The following HYDIN variants were observed in gnomAD, a reference collection of about 807,000 sequenced individuals.
The protein encoded by HYDIN is axonemal central pair apparatus protein HYDIN.
Under a neutral mutation model 403.9 loss-of-function variants are expected in HYDIN, and 132 were observed. The ratio of observed to expected loss-of-function variants is 0.33; its 90% CI spans 0.28 to 0.38. The LOEUF is 0.38. Ranked by LOEUF, HYDIN falls within the 10% of genes least tolerant of loss-of-function variation. The pLI is 1.00. For missense variants in HYDIN, 2,827 were observed against 5,009.5 expected, an observed-to-expected ratio of 0.56 and a Z score of 13.15; for synonymous variants, 1,202 against 1,891.7, an observed-to-expected ratio of 0.64 and a Z score of 9.46.
intron 13 of HYDIN, among the ~76,000 whole-genome samples, chr16:71,072,381 G>A (rs555213647): frequency 1.4e-4 from 21 of 152,084 alleles, no homozygotes; most frequent in Admixed American, 8.5e-4. Context: ...ATATGTGCTT[G>A]TAACTGTAAA....
At chr16:70,818,246 C>A (rs1271419222) in intron 84 of HYDIN, 96 bp downstream of exon 84, 1 of 663,674 alleles carries the variant, frequency 1.5e-6, no homozygotes, top group African/African-American at 1.8e-5. Flanking sequence ...AGGGCTGGCC[C>A]ACCCTCTGGG....
At chr16:70,896,662 T>TG (rs1356784047) in intron 53 of HYDIN, among the ~76,000 whole-genome samples, 1 of 150,036 alleles carries the variant, frequency 6.7e-6, no homozygotes, top group Non-Finnish European at 1.5e-5. Context: ...AACTGTTTTT[T>TG]TTTTTTTTTT....
At chr16:71,089,552 G>A (rs2083044819) in intron 11 of HYDIN, among the ~76,000 whole-genome samples, 1 of 152,214 alleles carries the variant, frequency 6.6e-6, no homozygotes, top group Non-Finnish European at 1.5e-5. Flanking sequence ...GCTGAGGGAG[G>A]AGGATTCCCA....
In HYDIN at chr16:71,175,230, C is replaced by T. The variant is rs75721201; in HGVS notation, c.516+377G>A. ...ACAATATTACCACCAACTACACTAC[C>T]ATACTACTAATACCAATACCATCTA... On this transcript the variant is annotated intron_variant, in intron 5 of 85. Transcript: ENST00000393567. Among the ~76,000 whole-genome samples the T allele has an allele frequency of 5.2e-3, 794 of 151,488 alleles. 7 individuals carry two copies. Among genetic ancestry groups the T allele is most frequent in the African/African-American group, 0.018 (758 of 41,296 alleles).
chr16:71,019,239 T>A (rs996022800), intron 22 of HYDIN, among the ~76,000 whole-genome samples: 1 of 152,278 alleles, frequency 6.6e-6, no homozygotes, highest in African/African-American at 2.4e-5. Flanking sequence ...TTAATGGGCA[T>A]GAAAGCCACC....
At chr16:71,002,245 CT>C (rs1366536937) in intron 23 of HYDIN, among the ~76,000 whole-genome samples, 12 of 152,146 alleles carry the variant, frequency 7.9e-5, no homozygotes, top group Admixed American at 7.9e-4. Context: ...CTTTTTGTAT[CT>C]TGTTTAAGAA....
At chr16:71,009,691 C>T (rs546014312) in intron 23 of HYDIN, among the ~76,000 whole-genome samples, 8 of 147,002 alleles carry the variant, frequency 5.4e-5, no homozygotes, top group Non-Finnish European at 8.9e-5. Flanking sequence ...AGTGATCTAA[C>T]CACAGGTGCC....
chr16:70,806,235 C>CA lies in HYDIN; in HGVS notation c.*1344dup, dbSNP rs2035100058. 6.6e-6 allele frequency among the ~76,000 whole-genome samples: 1 copy of CA among 152,150 alleles called. No individual in the cohort carries two copies. The highest frequency in any genetic ancestry group is 2.1e-4 in the South Asian group (1 of 4,830). The stretch of plus-strand genomic sequence containing the variant: ...GGTATGTATGTAAAGGAAAATACCA[C>CA]AGTATATGGAGTGTTCAGTACTATC... On this transcript the variant is annotated 3_prime_UTR_variant, in exon 86 of 86. Coordinates refer to ENST00000393567, the MANE Select transcript of HYDIN (RefSeq NM_001270974.2).
chr16:70,842,818 T>C (rs1180411686), intron 75 of HYDIN, among the ~76,000 whole-genome samples: 1 of 152,020 alleles, frequency 6.6e-6, no homozygotes, highest in Non-Finnish European at 1.5e-5. Flanking sequence ...TTATGTCTTT[T>C]TTATTCTTCT....
chr16:71,230,475 G>T, intron 1 of HYDIN, 87 bp downstream of exon 1: 1 of 1,420,850 alleles, frequency 7.0e-7, no homozygotes, highest in Non-Finnish European at 9.3e-7. Context: ...GACGCAGGGC[G>T]AGGACGAGGA....
At chr16:70,957,114 C>T (rs1458626929) in intron 39 of HYDIN, among the ~76,000 whole-genome samples, 1 of 151,496 alleles carries the variant, frequency 6.6e-6, no homozygotes, top group African/African-American at 2.4e-5. Flanking sequence ...AACTCTGTAC[C>T]CATTAAACTA....
intron 14 of HYDIN, among the ~76,000 whole-genome samples, chr16:71,068,900 A>G (rs2082363262): frequency 6.6e-6 from 1 of 152,244 alleles, no homozygotes; most frequent in East Asian, 1.9e-4. Context: ...ATTTATTGCT[A>G]TCTAAAGGAT....
intron 41 of HYDIN, among the ~76,000 whole-genome samples, chr16:70,948,256 G>C (rs1343025963): frequency 6.6e-6 from 1 of 150,900 alleles, no homozygotes; most frequent in Admixed American, 6.6e-5. Flanking sequence ...CTAGCCATAT[G>C]TAGAAAGCTG....
chr16:71,107,754 G>A (rs1421005220), intron 10 of HYDIN, among the ~76,000 whole-genome samples: 1 of 152,030 alleles, frequency 6.6e-6, no homozygotes, highest in African/African-American at 2.4e-5. Context: ...ATTATGGAAA[G>A]CAGTGTGGTG....
intron 83 of HYDIN, among the ~76,000 whole-genome samples, chr16:70,824,559 G>C (rs886183341): frequency 6.7e-6 from 1 of 149,572 alleles, no homozygotes; most frequent in African/African-American, 2.5e-5. Context: ...ACAGGGTCTT[G>C]CTCTGTTGCC....
chr16:71,051,723 ACTCTAACCTCTACTATTCAG>A (rs1465597749), intron 18 of HYDIN, among the ~76,000 whole-genome samples: 6 of 152,134 alleles, frequency 3.9e-5, no homozygotes, highest in Non-Finnish European at 8.8e-5. Context: ...AACAGCGTCT[ACTCTAACCTCTACTATTCAG>A]CATTGCATTG....
At chr16:71,208,869 C>T (rs2088434666) in intron 1 of HYDIN, among the ~76,000 whole-genome samples, 1 of 152,118 alleles carries the variant, frequency 6.6e-6, no homozygotes, top group African/African-American at 2.4e-5. Context: ...CCTAAACAGA[C>T]TAATAACAAG....
intron 18 of HYDIN, among the ~76,000 whole-genome samples, chr16:71,033,317 G>A (rs2144165441): frequency 1.3e-5 from 2 of 152,296 alleles, no homozygotes; most frequent in South Asian, 4.1e-4. Context: ...ATATGAAATT[G>A]GGCTTAATTA....
chr16:71,195,510 G>C (rs2087649832), intron 1 of HYDIN, among the ~76,000 whole-genome samples: 1 of 152,174 alleles, frequency 6.6e-6, no homozygotes, highest in African/African-American at 2.4e-5. Context: ...TTGGTTGTCA[G>C]TGGGGGGTTT....
Sources: gnomAD v4.1 joint callset for allele counts (sites outside exome capture counted in the v4.1 genomes callset) on GRCh38, gnomAD v4.1.1 for gene constraint, MANE v1.5 for transcripts, NCBI Gene and HGNC (gene_info 2026-07-23, HGNC 2026-07-21) for gene names.